Variants in SLIT2 observed in about 807,000 individuals in gnomAD.
SLIT2 encodes slit guidance ligand 2.
Under a neutral mutation model 185.7 loss-of-function variants are expected in SLIT2, and 41 were observed. The observed-to-expected ratio is 0.22, with a 90% CI of 0.17 to 0.29. The LOEUF (loss-of-function observed/expected upper bound fraction) is 0.29, where lower values mean the gene tolerates loss of function less well. Ranked by LOEUF, SLIT2 falls within the 10% of genes least tolerant of loss-of-function variation. SLIT2 has a pLI of 1.00. For missense variants in SLIT2, 1,571 were observed against 1,909.0 expected (o/e 0.82, Z 3.30); for synonymous variants, 693 against 680.2 (o/e 1.02, Z -0.29).
chr4:20,379,336 A>G (rs981892532), intron 4 of SLIT2, among the ~76,000 whole-genome samples: 1 of 152,152 alleles, frequency 6.6e-6, no homozygotes, highest in Admixed American at 6.5e-5. Context: ...AAATAACGAC[A>G]TTTATTATAA....
At chr4:20,367,437 A>G (rs968057784) in intron 4 of SLIT2, among the ~76,000 whole-genome samples, 1 of 152,158 alleles carries the variant, frequency 6.6e-6, no homozygotes. Flanking sequence ...ACTTCAGTGT[A>G]TGGATGTAAG....
intron 33 of SLIT2, among the ~76,000 whole-genome samples, chr4:20,607,530 A>G (rs1459755623): frequency 6.6e-6 from 1 of 152,204 alleles, no homozygotes; most frequent in Non-Finnish European, 1.5e-5. Context: ...AAAAAAGAGT[A>G]AAAAGGAACA....
intron 5 of SLIT2, among the ~76,000 whole-genome samples, chr4:20,472,833 C>T (rs1370906569): frequency 6.6e-6 from 1 of 150,696 alleles, no homozygotes. Context: ...TGAGCTTATT[C>T]TTGAAGAACT....
chr4:20,575,484 A>T (rs10516358), intron 29 of SLIT2, among the ~76,000 whole-genome samples: 10,421 of 152,242 alleles, frequency 0.068, 598 homozygotes, highest in African/African-American at 0.15. Context: ...TGAAACAACG[A>T]TAAACCACTT....
intron 4 of SLIT2, among the ~76,000 whole-genome samples, chr4:20,337,743 C>T (rs1319444014): frequency 6.6e-6 from 1 of 152,184 alleles, no homozygotes; most frequent in Non-Finnish European, 1.5e-5. Flanking sequence ...CATATACATA[C>T]TGAGTAAGAA....
At position 20,555,621 on chromosome 4, in the gene SLIT2, A is replaced by C. The variant is rs554775569; in HGVS notation, c.2725+1653A>C. Among the ~76,000 whole-genome samples the C allele has an allele frequency of 2.6e-5, 4 of 152,250 alleles. No individual in the cohort carries two copies. In the East Asian group the frequency reaches 7.7e-4, roughly 29 times the overall value. On this transcript the variant is annotated intron_variant, in intron 26 of 36. Coordinates refer to ENST00000504154, the MANE Select transcript of SLIT2 (RefSeq NM_004787.4). ...GTAGGACACTTCATGGTTTATTAAT[A>C]AAAAAGTAATTTTCAAATCCTATAC...
At chr4:20,281,686 G>A (rs1021114020) in intron 4 of SLIT2, among the ~76,000 whole-genome samples, 2 of 152,108 alleles carry the variant, frequency 1.3e-5, no homozygotes, top group Non-Finnish European at 2.9e-5. Context: ...ACACAGGAAC[G>A]TGAGGGAATG....
chr4:20,278,630 C>CAAACAA (rs977347656), intron 4 of SLIT2, among the ~76,000 whole-genome samples: 19 of 151,578 alleles, frequency 1.3e-4, no homozygotes, highest in Non-Finnish European at 2.4e-4. Flanking sequence ...CAAGACAAAA[C>CAAACAA]AAACAAAAAC....
intron 4 of SLIT2, among the ~76,000 whole-genome samples, chr4:20,424,954 T>C (rs879721436): frequency 2.6e-5 from 4 of 152,144 alleles, no homozygotes; most frequent in African/African-American, 4.8e-5. Flanking sequence ...GGTTTACATA[T>C]TTATTCTTTC....
intron 33 of SLIT2, among the ~76,000 whole-genome samples, chr4:20,608,972 T>G (rs1728999558): frequency 2.6e-5 from 4 of 152,170 alleles, no homozygotes; most frequent in Non-Finnish European, 2.9e-5. Context: ...TGATCTCAAC[T>G]TCCATTATGC....
At chr4:20,264,616 G>GT (rs1206005392) in intron 3 of SLIT2, among the ~76,000 whole-genome samples, 39 of 152,010 alleles carry the variant, frequency 2.6e-4, no homozygotes, top group Non-Finnish European at 2.4e-4. Context: ...TCAAAACAAT[G>GT]TTTGTCAATA....
intron 4 of SLIT2, among the ~76,000 whole-genome samples, chr4:20,281,216 G>C (rs576931245): frequency 1.7e-4 from 26 of 152,338 alleles, no homozygotes; most frequent in African/African-American, 6.3e-4. Context: ...TCAATATGAG[G>C]TAAGTGGTGT....
intron 11 of SLIT2, among the ~76,000 whole-genome samples, chr4:20,519,121 A>G (rs191158316): frequency 1.3e-5 from 2 of 152,286 alleles, no homozygotes; most frequent in East Asian, 3.9e-4. Flanking sequence ...ATTTCTATGA[A>G]ACGGCAATGC....
intron 16 of SLIT2, among the ~76,000 whole-genome samples, chr4:20,531,636 A>C (rs1374428442): frequency 6.6e-6 from 1 of 152,174 alleles, no homozygotes; most frequent in African/African-American, 2.4e-5. Context: ...TTTTTGTTCC[A>C]ATTGTGAAGC....
At chr4:20,323,900 T>A (rs1476197905) in intron 4 of SLIT2, among the ~76,000 whole-genome samples, 5 of 152,200 alleles carry the variant, frequency 3.3e-5, no homozygotes, top group African/African-American at 9.6e-5. Flanking sequence ...ACAAAATTAT[T>A]TGATGTATAC....
chr4:20,592,010 A>G (rs1727555580), intron 30 of SLIT2, among the ~76,000 whole-genome samples: 1 of 152,136 alleles, frequency 6.6e-6, no homozygotes, highest in African/African-American at 2.4e-5. Context: ...AGCTCGTTTC[A>G]TAGCTGTATG....
intron 25 of SLIT2, among the ~76,000 whole-genome samples, chr4:20,551,992 G>C (rs1723795862): frequency 6.6e-6 from 1 of 152,052 alleles, no homozygotes; most frequent in South Asian, 2.1e-4. Context: ...TATCAGACTG[G>C]TGCCTATTAA....
intron 4 of SLIT2, among the ~76,000 whole-genome samples, chr4:20,387,039 T>A (rs907063662): frequency 2.0e-5 from 3 of 152,162 alleles, no homozygotes; most frequent in Non-Finnish European, 2.9e-5. Flanking sequence ...ATTTCCAGCT[T>A]TCTGTCTTAC....
At chr4:20,571,339 T>C (rs1035910908) in intron 29 of SLIT2, among the ~76,000 whole-genome samples, 4 of 152,184 alleles carry the variant, frequency 2.6e-5, no homozygotes, top group African/African-American at 9.6e-5. Flanking sequence ...CATGAAGATA[T>C]GACCATTTTA....
Sources: gnomAD v4.1 joint callset for allele counts (sites outside exome capture counted in the v4.1 genomes callset) on GRCh38, gnomAD v4.1.1 for gene constraint, MANE v1.5 for transcripts, NCBI Gene and HGNC (gene_info 2026-07-23, HGNC 2026-07-21) for gene names.